Variants in PTGER4 observed in about 807,000 individuals in gnomAD.
The protein encoded by PTGER4 is prostaglandin E2 receptor EP4 subtype.
In PTGER4, 11 loss-of-function variants were observed where a neutral mutation model predicts 33.2. The observed-to-expected ratio is 0.33, with a 90% CI of 0.21 to 0.55. PTGER4 has a LOEUF of 0.55. Ranked by LOEUF, PTGER4 falls within the 20% of genes least tolerant of loss-of-function variation. The pLI, the probability that PTGER4 is intolerant of heterozygous loss-of-function variation, is 0.92. For synonymous variants in PTGER4, 275 were observed against 281.5 expected, an observed-to-expected ratio of 0.98 and a Z score of 0.23; for missense variants, 481 against 650.2, an observed-to-expected ratio of 0.74 and a Z score of 2.83.
At chr5:40,708,221 C>CA in the PTGER4 span, among the ~76,000 whole-genome samples, 4 of 152,144 alleles carry the variant, frequency 2.6e-5, no homozygotes, top group South Asian at 4.1e-4. Context: ...AAAAAACCTT[C>CA]AAAAAATCAA....
chr5:40,709,872 T>A, the PTGER4 span, among the ~76,000 whole-genome samples: 1 of 152,226 alleles, frequency 6.6e-6, no homozygotes, highest in South Asian at 2.1e-4. Flanking sequence ...TGGCTAGCCA[T>A]ATGTAGAAAG....
the PTGER4 span, among the ~76,000 whole-genome samples, chr5:40,721,049 C>T: frequency 2.6e-5 from 4 of 152,170 alleles, no homozygotes; most frequent in Non-Finnish European, 4.4e-5. Flanking sequence ...GCTTGGCATA[C>T]AGTGAGCGAA....
In PTGER4 at chr5:40,683,880, C is replaced by T. The variant is rs1203792793; in HGVS notation, c.867+2020C>T. 6.6e-6 allele frequency among the ~76,000 whole-genome samples: 1 copy of T among 152,126 alleles called. No homozygotes were observed. The highest frequency in any genetic ancestry group is 2.4e-5 in the African/African-American group (1 of 41,436). ...CATTTTAACTAACAAGAAATACTGT[C>T]CACCTGTATAATGTTAGTAACGTGT... On this transcript the variant is annotated intron_variant, in intron 2 of 2. Coordinates refer to ENST00000302472, the MANE Select transcript of PTGER4 (RefSeq NM_000958.3). The surrounding 1 kb of genome is among the most constrained non-coding windows in gnomAD (Gnocchi z 4.2).
chr5:40,722,764 T>A, the PTGER4 span, among the ~76,000 whole-genome samples: 1 of 149,430 alleles, frequency 6.7e-6, no homozygotes, highest in Non-Finnish European at 1.5e-5. Context: ...AGACGCCCCG[T>A]CCCGGAGGTG....
the PTGER4 span, among the ~76,000 whole-genome samples, chr5:40,721,186 A>C: frequency 2.6e-5 from 4 of 152,164 alleles, no homozygotes; most frequent in Non-Finnish European, 4.4e-5. Context: ...TGGAGTACTG[A>C]TGGAATTTGG....
chr5:40,682,958 C>T (rs186751492), intron 2 of PTGER4, among the ~76,000 whole-genome samples: 10 of 152,304 alleles, frequency 6.6e-5, no homozygotes, highest in Admixed American at 1.3e-4. Context: ...TCAAACCCTA[C>T]CTAGTTTTCT....
At chr5:40,703,644 C>T in the PTGER4 span, among the ~76,000 whole-genome samples, 482 of 152,022 alleles carry the variant, frequency 3.2e-3, 6 homozygotes, top group Non-Finnish European at 3.1e-3. Context: ...GTGGCTCACG[C>T]CTGTAATCCC....
chr5:40,712,901 ACTT>A, the PTGER4 span, among the ~76,000 whole-genome samples: 3 of 152,264 alleles, frequency 2.0e-5, no homozygotes, highest in South Asian at 2.1e-4. Flanking sequence ...TTAGGGCCAC[ACTT>A]CTTCTTCCGA....
the PTGER4 span, among the ~76,000 whole-genome samples, chr5:40,737,484 C>T: frequency 2.0e-5 from 3 of 152,074 alleles, no homozygotes; most frequent in Admixed American, 6.6e-5. Flanking sequence ...AAATTCAGAA[C>T]ACAAAGACAT....
chr5:40,732,449 G>A, the PTGER4 span, among the ~76,000 whole-genome samples: 9 of 151,556 alleles, frequency 5.9e-5, no homozygotes, highest in African/African-American at 2.2e-4. Context: ...AATACTTTCT[G>A]TAACTATATC....
chr5:40,697,334 C>T (rs1183870902), downstream of PTGER4, among the ~76,000 whole-genome samples: 2 of 151,342 alleles, frequency 1.3e-5, no homozygotes, highest in Non-Finnish European at 2.9e-5. Context: ...GCCTGTAATC[C>T]CAGCACTTTG....
the PTGER4 span, chr5:40,714,583 T>C: frequency 2.6e-5 from 4 of 152,206 alleles, no homozygotes; most frequent in Admixed American, 2.6e-4. Context: ...TATTTACGTT[T>C]TGAGAATGTT....
the PTGER4 span, among the ~76,000 whole-genome samples, chr5:40,710,842 T>A: frequency 6.6e-6 from 1 of 151,726 alleles, no homozygotes; most frequent in Non-Finnish European, 1.5e-5. Flanking sequence ...AAACCAAACA[T>A]CACATGTTCT....
rs1233994322 is a variant in PTGER4 at position 40,692,831 on chromosome 5, G to A, written c.*453G>A. The A allele has an allele frequency of 2.1e-5, 21 of 985,866 alleles. No individual in the cohort carries two copies. Among genetic ancestry groups the A allele is most frequent in the Non-Finnish European group, 2.4e-5 (20 of 829,770 alleles). 61.1% of individuals were successfully genotyped at this position (985,866 alleles called of 1,614,324 possible). A position where few individuals can be genotyped will look rare whatever the true frequency, so the allele number is the denominator to read the frequency against. On this transcript the variant is annotated 3_prime_UTR_variant, in exon 3 of 3. Coordinates refer to ENST00000302472, the MANE Select transcript of PTGER4 (RefSeq NM_000958.3). ...TGTGAATTTTTATTGTTGTACATAC[G>A]ATTTAAGGTATTTAAAGTATTTTCT...
chr5:40,734,655 G>T, the PTGER4 span, among the ~76,000 whole-genome samples: 2 of 152,120 alleles, frequency 1.3e-5, no homozygotes, highest in African/African-American at 4.8e-5. Context: ...ATTTACTGTG[G>T]CTTTAAATTT....
chr5:40,685,568 T>A, intron 2 of PTGER4: 5 of 492,058 alleles, frequency 1.0e-5, no homozygotes, highest in Non-Finnish European at 1.3e-5. Flanking sequence ...TAGAAGGAAG[T>A]TTTAAATCAT....
Position 40,693,338 on chromosome 5 carries a change from CTTATTGT to C in PTGER4, c.*963_*969del. ...TAAAAAATTTTAAAAATCTAAGCAG[CTTATTGT>C]TTCTCTGAAAGTGTGTGTAGTTTTA... On this transcript the variant is annotated 3_prime_UTR_variant, in exon 3 of 3. Transcript: ENST00000302472. The C allele has an allele frequency of 1.0e-6, 1 of 981,884 alleles. No individual in the cohort carries two copies. The highest frequency in any genetic ancestry group is 1.2e-6 in the Non-Finnish European group (1 of 826,536). 60.8% of individuals were successfully genotyped at this position (981,884 alleles called of 1,614,324 possible). A position where few individuals can be genotyped will look rare whatever the true frequency, so the allele number is the denominator to read the frequency against.
At chr5:40,739,738 T>C in the PTGER4 span, among the ~76,000 whole-genome samples, 8 of 152,362 alleles carry the variant, frequency 5.3e-5, no homozygotes, top group Non-Finnish European at 8.8e-5. Context: ...CCTGTTTTTT[T>C]CATAAATTAT....
the PTGER4 span, chr5:40,728,291 A>AAAAAAAAAAAAAAAAAAAC: frequency 8.1e-7 from 1 of 1,238,612 alleles, no homozygotes; most frequent in Non-Finnish European, 1.1e-6. Context: ...CAAAAAAAAA[A>AAAAAAAAAAAAAAAAAAAC]AAAAGTCAAA....
Sources: allele counts gnomAD v4.1 joint callset (sites outside exome capture counted in the v4.1 genomes callset), GRCh38; gene constraint gnomAD v4.1.1; non-coding constraint Gnocchi (gnomAD v3.1); transcripts MANE v1.5; gene names NCBI Gene and HGNC (gene_info 2026-07-23, HGNC 2026-07-21).